Variants in CEP162 observed in about 807,000 individuals in gnomAD.
CEP162 encodes centrosomal protein of 162 kDa.
A neutral mutation model predicts 169.2 loss-of-function variants in CEP162; 141 were observed. The ratio of observed to expected loss-of-function variants is 0.83; its 90% CI spans 0.73 to 0.96. The LOEUF is 0.96. CEP162 is among the 40% of genes least tolerant of loss of function. The pLI is 0.00. For synonymous variants in CEP162, 540 were observed against 526.4 expected (o/e 1.03, Z -0.35); for missense variants, 1,600 against 1,587.2 (o/e 1.01, Z -0.14).
chr6:84,188,290 C>T (rs9449827), intron 11 of CEP162, among the ~76,000 whole-genome samples: 10,869 of 151,788 alleles, frequency 0.072, 913 homozygotes, highest in African/African-American at 0.21. Flanking sequence ...TTCAGGGATA[C>T]GGGTATTGTT....
In CEP162 at chr6:84,146,761, G is replaced by GACTT. The variant is rs1184950206; in HGVS notation, c.3792_3795dup (p.Gln1266LysfsTer4). 1.3e-6 allele frequency: 2 copies of GACTT among 1,573,744 alleles called. No homozygotes were observed. The highest frequency in any genetic ancestry group is 2.7e-5 in the African/African-American group (2 of 74,136). ...TGTTTACTCTGCAGCTCATTAACTT[G>GACTT]ACTTTGGAAATGTCTTATAAGTACC... On this transcript the variant is annotated frameshift_variant, in exon 25 of 27. Transcript: ENST00000403245. LOFTEE classifies it high-confidence loss of function.
intron 14 of CEP162, 37 bp from the exon 15 acceptor site, chr6:84,174,991 TATGTATAAGATTTGAACAC>T: frequency 7.5e-7 from 1 of 1,339,178 alleles, no homozygotes; most frequent in Non-Finnish European, 1.0e-6. Context: ...ACAGTAGACT[TATGTATAAGATTTGAACAC>T]AGGTGGTTAA....
intron 22 of CEP162, among the ~76,000 whole-genome samples, chr6:84,154,491 C>A (rs2476905): frequency 0.024 from 3,673 of 152,110 alleles, 137 homozygotes; most frequent in African/African-American, 0.085. Flanking sequence ...AGGTTATCAA[C>A]CTTCTACTGT....
At chr6:84,171,810 C>A in intron 16 of CEP162, 92 bp from the exon 17 acceptor site, 2 of 449,244 alleles carry the variant, frequency 4.5e-6, no homozygotes, top group Non-Finnish European at 3.8e-6. Context: ...ATCCTTTAAA[C>A]GGCCTTTTAA....
At position 84,124,563 on chromosome 6, in the gene CEP162, T is replaced by C. The variant is rs113808377; in HGVS notation, c.*507A>G. 5,161 of 166,444 alleles carry C rather than the reference T, an allele frequency of 0.031. 118 individuals are homozygous for C. The highest frequency in any genetic ancestry group is 0.049 in the Non-Finnish European group (3,859 of 78,852). 10.3% of individuals were successfully genotyped at this position (166,444 alleles called of 1,614,324 possible). On this transcript the variant is annotated 3_prime_UTR_variant, in exon 27 of 27. Transcript: ENST00000403245. ...ACATAAAGATGGAGATAACAGACAC[T>C]GGGGACTCCAATAGGGGAAAGAGTG...
chr6:84,227,120 G>A (rs1469996731), intron 1 of CEP162, among the ~76,000 whole-genome samples: 4 of 152,170 alleles, frequency 2.6e-5, no homozygotes, highest in African/African-American at 9.7e-5. Flanking sequence ...CCAGTGATTT[G>A]CAACGGAAAG....
At chr6:84,205,315 G>C (rs904215164) in intron 6 of CEP162, among the ~76,000 whole-genome samples, 1 of 151,746 alleles carries the variant, frequency 6.6e-6, no homozygotes, top group African/African-American at 2.4e-5. Context: ...GAACATGGAT[G>C]CAAAATAAAA....
intron 21 of CEP162, 131 bp downstream of exon 21, chr6:84,160,681 T>C: frequency 1.6e-6 from 1 of 606,428 alleles, no homozygotes; most frequent in Non-Finnish European, 2.9e-6. Context: ...TTATTACTTT[T>C]ACTAATGTAA....
intron 3 of CEP162, among the ~76,000 whole-genome samples, chr6:84,217,094 GAGGAGACA>G (rs1039070083): frequency 6.6e-6 from 1 of 152,082 alleles, no homozygotes; most frequent in Non-Finnish European, 1.5e-5. Context: ...AATCTAACAG[GAGGAGACA>G]ATCAACAGCA....
chr6:84,199,361 A>C (rs2127730318), intron 9 of CEP162, among the ~76,000 whole-genome samples: 1 of 152,278 alleles, frequency 6.6e-6, no homozygotes, highest in Middle Eastern at 3.4e-3. Flanking sequence ...GTAACAAGTC[A>C]AAATAGTGGT....
chr6:84,205,571 A>T lies in CEP162; in HGVS notation c.572-1475T>A, dbSNP rs112710174. 6.5e-3 allele frequency among the ~76,000 whole-genome samples: 989 copies of T among 152,332 alleles called. 7 individuals carry two copies. Among genetic ancestry groups the T allele is most frequent in the African/African-American group, 0.023 (940 of 41,574 alleles). ...ACTAGGTATTCATGGGAAGTATCTC[A>T]AAATAACAAGAGCTATTTATGACAA... is the stretch of plus-strand genomic sequence containing the variant. On this transcript the variant is annotated intron_variant, in intron 6 of 26. Coordinates refer to ENST00000403245, the MANE Select transcript of CEP162 (RefSeq NM_014895.4).
At chr6:84,145,018 T>C (rs976255205) in intron 25 of CEP162, among the ~76,000 whole-genome samples, 12 of 152,158 alleles carry the variant, frequency 7.9e-5, no homozygotes, top group South Asian at 2.1e-4. Context: ...AAGGCTTTGA[T>C]TGGAATGTCA....
chr6:84,221,737 CA>C (rs1440998506), intron 2 of CEP162, among the ~76,000 whole-genome samples: 1 of 152,110 alleles, frequency 6.6e-6, no homozygotes, highest in Non-Finnish European at 1.5e-5. Flanking sequence ...CCACCTTAGC[CA>C]ATAACTTGGT....
At chr6:84,137,010 T>C (rs1346243669) in intron 25 of CEP162, among the ~76,000 whole-genome samples, 1 of 152,220 alleles carries the variant, frequency 6.6e-6, no homozygotes, top group Non-Finnish European at 1.5e-5. Flanking sequence ...GAGCATGTTG[T>C]TGTGGGAGCC....
chr6:84,227,161 T>C (rs535248271), intron 1 of CEP162, among the ~76,000 whole-genome samples: 57 of 152,236 alleles, frequency 3.7e-4, no homozygotes, highest in Middle Eastern at 6.8e-3. Flanking sequence ...GAACCCAACC[T>C]TGGGTCGACC....
chr6:84,193,750 G>T, intron 10 of CEP162, 60 bp from the exon 11 acceptor site: 2 of 921,470 alleles, frequency 2.2e-6, no homozygotes, highest in Non-Finnish European at 3.3e-6. Flanking sequence ...TAATTTACAT[G>T]TGTAATAACA....
chr6:84,191,023 G>A (rs1361311744), intron 11 of CEP162, among the ~76,000 whole-genome samples: 1 of 152,120 alleles, frequency 6.6e-6, no homozygotes. Context: ...ATTTGCTTAA[G>A]TTCCTTATAG....
intron 3 of CEP162, chr6:84,217,958 C>T (rs1211532915): frequency 6.6e-6 from 1 of 152,124 alleles, no homozygotes; most frequent in Non-Finnish European, 1.5e-5. Flanking sequence ...ATAACCTACT[C>T]CTTTTCCAAG....
rs1404908681 is a variant in CEP162, at chr6:84,185,229, T to G, written c.1621A>C (p.Asn541His). 6.2e-7 allele frequency: 1 copy of G among 1,613,046 alleles called. No homozygotes were observed. Among genetic ancestry groups the G allele is most frequent in the Non-Finnish European group, 8.5e-7 (1 of 1,179,318 alleles). ...KTSEDIIKSK[N>H]LRSISTSNQP... ...TTGGAGGTAGAAATCGATCTCAAGT[T>G]TTTGCTTTTTATAATGTCCTCTGAA... Residue 541 changes from asparagine (N) to histidine (H), a missense_variant, in exon 13 of 27, where the codon AAC (asparagine) becomes CAC (histidine). Transcript: ENST00000403245.
Sources: gnomAD v4.1 joint callset for allele counts (sites outside exome capture counted in the v4.1 genomes callset) on GRCh38, gnomAD v4.1.1 for gene constraint, MANE v1.5 for transcripts, NCBI Gene and HGNC (gene_info 2026-07-23, HGNC 2026-07-21) for gene names.